SYNE1: variants seen among roughly 807,000 people sequenced by gnomAD.
The protein encoded by SYNE1 is nesprin-1.
Under a neutral mutation model 1,111.0 loss-of-function variants are expected in SYNE1, and 616 were observed. The observed-to-expected ratio is 0.55, with a 90% CI of 0.52 to 0.59. The LOEUF is 0.59. Among genes scored for constraint, SYNE1 ranks in the 20% least tolerant of loss-of-function variants. SYNE1 has a pLI of 0.00. For synonymous variants in SYNE1, 3,855 were observed against 3,825.8 expected, an observed-to-expected ratio of 1.01 and a Z score of -0.28; for missense variants, 10,006 against 10,417.0, an observed-to-expected ratio of 0.96 and a Z score of 1.72.
chr6:152,548,856 T>C (rs1043825475), intron 3 of SYNE1, among the ~76,000 whole-genome samples: 1 of 152,214 alleles, frequency 6.6e-6, no homozygotes, highest in Non-Finnish European at 1.5e-5. Flanking sequence ...GTATGGTACT[T>C]GCTTTAATTA....
At chr6:152,176,254 G>A in intron 130 of SYNE1, 140 bp downstream of exon 130, 1 of 1,151,664 alleles carries the variant, frequency 8.7e-7, no homozygotes, top group Non-Finnish European at 1.3e-6. Flanking sequence ...CTTATGAGAG[G>A]AGCATGAACA....
In SYNE1 at chr6:152,159,859, A is replaced by G. The variant is rs72995328; in HGVS notation, c.23791-3762T>C. Among the ~76,000 whole-genome samples the G allele has an allele frequency of 8.0e-3, 1,213 of 152,316 alleles. 3 individuals are homozygous for G. The highest frequency in any genetic ancestry group is 0.012 in the Non-Finnish European group (844 of 68,024). On this transcript the variant is annotated intron_variant, in intron 131 of 145. Transcript: ENST00000367255. Reference sequence around the variant, plus strand: ...TTGTCCATACTTTATGAATTCTTGTATAGTAGAGAAGAAATAAACTTCTAC... The same window carrying G: ...TTGTCCATACTTTATGAATTCTTGTGTAGTAGAGAAGAAATAAACTTCTAC...
At chr6:152,146,403 AT>A (rs1420987649) in intron 137 of SYNE1, 1 of 152,184 alleles carries the variant, frequency 6.6e-6, no homozygotes, top group African/African-American at 2.4e-5. Flanking sequence ...AATTATTAAT[AT>A]TTTATTTTCT....
chr6:152,167,396 C>T (rs1297080766), intron 130 of SYNE1, among the ~76,000 whole-genome samples: 1 of 151,740 alleles, frequency 6.6e-6, no homozygotes, highest in East Asian at 1.9e-4. Context: ...CAAAAATTAC[C>T]ATTGGGTAAA....
chr6:152,465,581 C>A, intron 17 of SYNE1, 121 bp from the exon 18 acceptor site: 1 of 884,752 alleles, frequency 1.1e-6, no homozygotes, highest in Non-Finnish European at 1.8e-6. Flanking sequence ...GAGTTCATTT[C>A]CAACAAATAT....
chr6:152,180,250 C>T lies in SYNE1; in HGVS notation c.23346G>A (p.Trp7782Ter), dbSNP rs2153180156. The T allele has an allele frequency of 5.0e-6, 8 of 1,614,050 alleles. No homozygotes were observed. The highest frequency in any genetic ancestry group is 6.8e-6 in the Non-Finnish European group (8 of 1,179,994). ...RQQIGERLNE[W>*]AVFSEKNKEL... is the part of the protein sequence containing the mutation. ...CCTTGTTCTTTTCACTGAAGACTGC[C>T]CATTCATTCAATCTTTCACCTATTT... The change falls in exon 129 of 146, where the codon TGG (tryptophan) becomes TGA (stop). Residue 7782 changes from tryptophan (W) to a stop codon, truncating the protein, a stop_gained. Transcript: ENST00000367255. LOFTEE classifies it high-confidence loss of function.
intron 3 of SYNE1, among the ~76,000 whole-genome samples, chr6:152,614,677 T>C (rs1221939250): frequency 6.6e-6 from 1 of 152,304 alleles, no homozygotes; most frequent in South Asian, 2.1e-4. Context: ...TAAGGACACA[T>C]GCACACGTAT....
At position 152,416,946 on chromosome 6, in the gene SYNE1, C is replaced by A. The variant is rs184779168; in HGVS notation, c.5491G>T (p.Gly1831Cys). Reference protein sequence around the residue: ...QSLQGHLAKLGSLGRAEDLHL... With the variant: ...QSLQGHLAKLCSLGRAEDLHL... ...AGGTCCTCAGCACGGCCCAGAGAAC[C>A]CAACTTTGCTAAGTGACCCTGCAGA... Residue 1831 changes from glycine (G) to cysteine (C), a missense_variant, in exon 41 of 146, where the codon GGT becomes TGT. By Grantham distance (159) the Gly-to-Cys change is radical. Coordinates refer to ENST00000367255, the MANE Select transcript of SYNE1 (RefSeq NM_182961.4). 19 of 1,614,170 alleles carry A rather than the reference C, an allele frequency of 1.2e-5. No individual in the cohort carries two copies. The East Asian group carries it at 3.8e-4, about 32-fold the overall frequency.
At chr6:152,626,187 T>C (rs1032122239) in intron 3 of SYNE1, among the ~76,000 whole-genome samples, 15 of 152,212 alleles carry the variant, frequency 9.9e-5, no homozygotes, top group Non-Finnish European at 1.9e-4. Flanking sequence ...CCACTCAAAC[T>C]AATATCAGAA....
At chr6:152,411,649 C>T (rs558906998) in intron 42 of SYNE1, among the ~76,000 whole-genome samples, 6 of 151,742 alleles carry the variant, frequency 4.0e-5, no homozygotes, top group East Asian at 3.9e-4. Flanking sequence ...ACAAAATGTG[C>T]CAATTCTGAG....
chr6:152,626,875 A>G (rs2099686942), intron 3 of SYNE1, among the ~76,000 whole-genome samples: 1 of 152,186 alleles, frequency 6.6e-6, no homozygotes, highest in South Asian at 2.1e-4. Context: ...ACCCCGATTT[A>G]AGAGCTTGGT....
chr6:152,144,622 C>T (rs2059137798), intron 137 of SYNE1: 1 of 152,060 alleles, frequency 6.6e-6, no homozygotes, highest in African/African-American at 2.4e-5. Context: ...CTAAAAAAGG[C>T]CTTCTAGATA....
At chr6:152,135,261 A>T (rs1219276067) in intron 141 of SYNE1, 29 bp from the exon 142 acceptor site, 1 of 1,607,668 alleles carries the variant, frequency 6.2e-7, no homozygotes, top group Non-Finnish European at 8.5e-7. Context: ...AGTAACTGTA[A>T]ATAAAATATT....
In SYNE1 at chr6:152,381,164, T is replaced by C. The variant is rs1202916520; in HGVS notation, c.8851A>G (p.Met2951Val). The C allele has an allele frequency of 1.6e-5, 26 of 1,614,116 alleles. No individual in the cohort carries two copies. Among genetic ancestry groups the C allele is most frequent in the Non-Finnish European group, 2.2e-5 (26 of 1,180,050 alleles). The change falls in exon 56 of 146, where the codon ATG becomes GTG. Residue 2951 changes from methionine (M) to valine (V), a missense_variant. This residue lies in a region of SYNE1 where 4,955 missense variants were observed against 5,017.2 expected (regional missense o/e 0.99). Transcript: ENST00000367255. ...QSCLENLVSQMALSEQEFSGQ... is the reference protein window; with the variant it reads ...QSCLENLVSQVALSEQEFSGQ... ...GAGAATTCCTGCTCCGAAAGGGCCA[T>C]CTGGCTGACCAGGTTCTCCAAACAG... is the stretch of plus-strand genomic sequence containing the variant.
At chr6:152,396,693 T>C in intron 50 of SYNE1, 82 bp downstream of exon 50, 1 of 1,264,434 alleles carries the variant, frequency 7.9e-7, no homozygotes, top group Non-Finnish European at 1.2e-6. Flanking sequence ...ACGTTATTTA[T>C]TTATTCACAT....
At chr6:152,459,835 T>A (rs556412390) in intron 21 of SYNE1, among the ~76,000 whole-genome samples, 1 of 152,296 alleles carries the variant, frequency 6.6e-6, no homozygotes, top group East Asian at 1.9e-4. Context: ...CAAAAAGTAA[T>A]CCTTGAAGAA....
chr6:152,505,917 C>T (rs1261055097), intron 8 of SYNE1, among the ~76,000 whole-genome samples: 2 of 152,214 alleles, frequency 1.3e-5, no homozygotes, highest in African/African-American at 4.8e-5. Flanking sequence ...TGGCTGAATA[C>T]TTTCAAATGC....
chr6:152,329,878 G>C lies in SYNE1; in HGVS notation c.14807C>G (p.Ser4936Cys), dbSNP rs1388315112. Residue 4936 changes from serine (S) to cysteine (C), a missense_variant, in exon 78 of 146, where the codon TCC becomes TGC. Physicochemically the swap from Ser to Cys is moderately radical, Grantham distance 112. This residue lies in a region of SYNE1 where 4,955 missense variants were observed against 5,017.2 expected (regional missense o/e 0.99). Transcript: ENST00000367255. ...KIQIHQEEVQSSLRIMNALSH... is the reference protein window; with the variant it reads ...KIQIHQEEVQCSLRIMNALSH... Reference sequence around the variant, plus strand: ...CAGCGCATTCATGATTCTCAAGCTGGACTGGACCTCTTCCTGATGAATTTG... The same window carrying C: ...CAGCGCATTCATGATTCTCAAGCTGCACTGGACCTCTTCCTGATGAATTTG... 3.7e-6 allele frequency: 6 copies of C among 1,614,012 alleles called. No homozygotes were observed. The highest frequency in any genetic ancestry group is 5.1e-6 in the Non-Finnish European group (6 of 1,180,036).
intron 99 of SYNE1, 137 bp downstream of exon 99, chr6:152,269,018 C>A: frequency 7.5e-7 from 1 of 1,325,652 alleles, no homozygotes; most frequent in Non-Finnish European, 1.1e-6. Context: ...ACACCAACAT[C>A]TTGCTTCATT....
Sources: gnomAD v4.1 joint callset for allele counts (sites outside exome capture counted in the v4.1 genomes callset) on GRCh38, gnomAD v4.1.1 for gene constraint, gnomAD v4.1.1 regional missense constraint, MANE v1.5 for transcripts, NCBI Gene and HGNC (gene_info 2026-07-23, HGNC 2026-07-21) for gene names.